The following CIMAP3 variants were observed in gnomAD, a reference collection of about 807,000 sequenced individuals.
CIMAP3 encodes the protein ciliary microtubule associated protein 3.
At chr1:111,341,047 G>T in the CIMAP3 span, among the ~76,000 whole-genome samples, 1 of 150,872 alleles carries the variant, frequency 6.6e-6, no homozygotes, top group Non-Finnish European at 1.5e-5. Flanking sequence ...ATGAGTTCAT[G>T]TCCTTTGTAG....
At chr1:111,348,752 C>A in the CIMAP3 span, 1 of 1,143,536 alleles carries the variant, frequency 8.7e-7, no homozygotes, top group Non-Finnish European at 1.2e-6. Flanking sequence ...CAAACCATCG[C>A]AGTTAAATAA....
chr1:111,329,789 G>A, the CIMAP3 span, among the ~76,000 whole-genome samples: 2 of 151,732 alleles, frequency 1.3e-5, no homozygotes, highest in African/African-American at 4.8e-5. Context: ...CCTGACCTCA[G>A]GTAATCAGCC....
At chr1:111,337,241 T>A in the CIMAP3 span, among the ~76,000 whole-genome samples, 1 of 152,060 alleles carries the variant, frequency 6.6e-6, no homozygotes, top group African/African-American at 2.4e-5. Flanking sequence ...CACTGCAAAA[T>A]CATGCCAAAA....
At chr1:111,347,767 C>T in the CIMAP3 span, 1 of 1,606,014 alleles carries the variant, frequency 6.2e-7, no homozygotes, top group Non-Finnish European at 8.5e-7. Context: ...TAAGCCAATA[C>T]AGAAGGTAAT....
chr1:111,329,532 TATATATATATATATATATATATATATA>T, the CIMAP3 span, among the ~76,000 whole-genome samples: 1 of 44,540 alleles, frequency 2.2e-5, no homozygotes, highest in South Asian at 1.3e-3. Context: ...TATATATATA[TATATATATATATATATATATATATATA>T]ATTTTTTTTT....
chr1:111,335,913 AC>A, the CIMAP3 span, among the ~76,000 whole-genome samples: 3 of 152,138 alleles, frequency 2.0e-5, no homozygotes, highest in Non-Finnish European at 4.4e-5. Context: ...TGGGTCCCTG[AC>A]CCCTGACCCC....
chr1:111,351,186 TGCATAACTGGGAAGA>T, the CIMAP3 span: 1 of 702,462 alleles, frequency 1.4e-6, no homozygotes, highest in Non-Finnish European at 2.2e-6. Flanking sequence ...TTTTTTTTTT[TGCATAACTGGGAAGA>T]CCAGAGGCAG....
the CIMAP3 span, among the ~76,000 whole-genome samples, chr1:111,340,682 C>G: frequency 6.6e-6 from 1 of 152,132 alleles, no homozygotes; most frequent in Non-Finnish European, 1.5e-5. Flanking sequence ...GTTAGAATGG[C>G]AATCATTAAA....
At chr1:111,351,425 G>A in the CIMAP3 span, 3 of 1,105,128 alleles carry the variant, frequency 2.7e-6, no homozygotes, top group South Asian at 1.7e-5. Flanking sequence ...TGGCCCTCTT[G>A]TCTGGCAGCC....
chr1:111,338,287 C>A, the CIMAP3 span, among the ~76,000 whole-genome samples: 13 of 151,818 alleles, frequency 8.6e-5, no homozygotes, highest in Admixed American at 6.6e-4. Flanking sequence ...ATTAAAAGAA[C>A]TAGAAAAGCA....
At chr1:111,325,527 T>G in the CIMAP3 span, among the ~76,000 whole-genome samples, 1,203 of 152,340 alleles carry the variant, frequency 7.9e-3, 16 homozygotes, top group African/African-American at 0.027. Flanking sequence ...ACAGGGATTC[T>G]CAATCCTGCT....
chr1:111,342,996 G>A, the CIMAP3 span, among the ~76,000 whole-genome samples: 1 of 152,150 alleles, frequency 6.6e-6, no homozygotes, highest in Non-Finnish European at 1.5e-5. Flanking sequence ...AGAAGGCAAA[G>A]GGTGAAGCCA....
At chr1:111,338,245 G>A in the CIMAP3 span, among the ~76,000 whole-genome samples, 1 of 151,856 alleles carries the variant, frequency 6.6e-6, no homozygotes, top group African/African-American at 2.4e-5. Context: ...GAGAAAGAAG[G>A]AAACATCCAA....
the CIMAP3 span, among the ~76,000 whole-genome samples, chr1:111,348,060 T>G: frequency 3.3e-5 from 5 of 152,210 alleles, no homozygotes; most frequent in Non-Finnish European, 7.3e-5. Context: ...TCGAAGCTTG[T>G]GTTTATATAC....
chr1:111,343,832 C>T, the CIMAP3 span, among the ~76,000 whole-genome samples: 1 of 152,188 alleles, frequency 6.6e-6, no homozygotes, highest in Non-Finnish European at 1.5e-5. Context: ...TTTCTCTTTC[C>T]TTGAGTATAC....
the CIMAP3 span, among the ~76,000 whole-genome samples, chr1:111,330,426 C>T: frequency 7.9e-3 from 1,205 of 152,256 alleles, 15 homozygotes; most frequent in African/African-American, 0.027. Flanking sequence ...TGACTTCTTG[C>T]CTCTGGTTTC....
the CIMAP3 span, among the ~76,000 whole-genome samples, chr1:111,350,558 G>C: frequency 1.6e-4 from 24 of 152,256 alleles, no homozygotes; most frequent in Admixed American, 1.6e-3. Context: ...CTGGAATCTG[G>C]ATCTTGTGAC....
the CIMAP3 span, among the ~76,000 whole-genome samples, chr1:111,333,576 G>A: frequency 3.3e-4 from 51 of 152,282 alleles, no homozygotes; most frequent in Admixed American, 3.2e-3. Context: ...GGTGTTTGTG[G>A]TGACTGGTGG....
chr1:111,324,850 T>C, the CIMAP3 span: 1 of 985,304 alleles, frequency 1.0e-6, no homozygotes, highest in Non-Finnish European at 1.2e-6. Context: ...CAAAACCATA[T>C]CATGGATCAG....
Sources: allele counts gnomAD v4.1 joint callset (sites outside exome capture counted in the v4.1 genomes callset), GRCh38; gene constraint gnomAD v4.1.1; transcripts MANE v1.5; gene names NCBI Gene and HGNC (gene_info 2026-07-23, HGNC 2026-07-21).